The following EXOC4 variants were observed in gnomAD, a reference collection of about 807,000 sequenced individuals.
EXOC4 encodes the protein exocyst complex component 4.
Under a neutral mutation model 107.2 loss-of-function variants are expected in EXOC4, and 71 were observed. The ratio of observed to expected loss-of-function variants is 0.66; its 90% CI spans 0.55 to 0.81. EXOC4 has a LOEUF of 0.81. Ranked by LOEUF, EXOC4 falls within the 30% of genes least tolerant of loss-of-function variation. EXOC4 has a pLI of 0.00. For missense variants in EXOC4, 1,108 were observed against 1,189.6 expected (o/e 0.93, Z 1.01); for synonymous variants, 456 against 441.2 (o/e 1.03, Z -0.42).
intron 14 of EXOC4, among the ~76,000 whole-genome samples, chr7:133,948,377 A>G (rs145808791): frequency 3.9e-5 from 6 of 152,306 alleles, no homozygotes; most frequent in African/African-American, 1.2e-4. Context: ...GGTGAGGGAG[A>G]CAGATCCTGA....
chr7:133,638,860 G>A (rs112175633), intron 10 of EXOC4, among the ~76,000 whole-genome samples: 191 of 151,732 alleles, frequency 1.3e-3, no homozygotes, highest in African/African-American at 4.3e-3. Context: ...GCAGGTTTTC[G>A]TCTCTTTATC....
At chr7:133,498,426 A>T (rs1419671059) in intron 9 of EXOC4, among the ~76,000 whole-genome samples, 5 of 152,162 alleles carry the variant, frequency 3.3e-5, no homozygotes, top group Non-Finnish European at 7.4e-5. Context: ...TCTACTAAAA[A>T]TACAAAAAGT....
chr7:133,471,731 ATTTGTTGTATTTTTT>A (rs1798884802), intron 7 of EXOC4, among the ~76,000 whole-genome samples: 1 of 152,110 alleles, frequency 6.6e-6, no homozygotes, highest in African/African-American at 2.4e-5. Context: ...AAGTTCAGCA[ATTTGTTGTATTTTTT>A]TGATTTGCTG....
chr7:133,298,720 C>T (rs1268550192), intron 3 of EXOC4, among the ~76,000 whole-genome samples: 2 of 152,108 alleles, frequency 1.3e-5, no homozygotes, highest in Non-Finnish European at 2.9e-5. Context: ...AAATAAGGCT[C>T]TCAATGTGGA....
chr7:134,017,900 C>G (rs975273989), intron 17 of EXOC4, among the ~76,000 whole-genome samples: 1 of 152,162 alleles, frequency 6.6e-6, no homozygotes, highest in Non-Finnish European at 1.5e-5. Context: ...TAGGGTTCCT[C>G]GAGATTACTG....
At chr7:133,634,857 G>A (rs1802670450) in intron 10 of EXOC4, among the ~76,000 whole-genome samples, 1 of 152,170 alleles carries the variant, frequency 6.6e-6, no homozygotes. Flanking sequence ...AAGGTTTCTA[G>A]CCATGCCCGG....
At chr7:133,900,659 A>G (rs1488589969) in intron 12 of EXOC4, among the ~76,000 whole-genome samples, 1 of 152,150 alleles carries the variant, frequency 6.6e-6, no homozygotes. Flanking sequence ...GGAGAGAGAC[A>G]TTAAGTGCCT....
intron 9 of EXOC4, among the ~76,000 whole-genome samples, chr7:133,553,649 AT>A (rs962038833): frequency 5.3e-5 from 8 of 151,940 alleles, no homozygotes; most frequent in Non-Finnish European, 1.2e-4. Flanking sequence ...TTGTCCCTTA[AT>A]TTTTTTTCCT....
chr7:133,552,468 C>T (rs895903577), intron 9 of EXOC4, among the ~76,000 whole-genome samples: 1 of 152,100 alleles, frequency 6.6e-6, no homozygotes, highest in Non-Finnish European at 1.5e-5. Flanking sequence ...TTATTAATAT[C>T]CAACATGTGA....
intron 10 of EXOC4, among the ~76,000 whole-genome samples, chr7:133,706,301 T>C (rs932395308): frequency 5.9e-5 from 9 of 152,228 alleles, no homozygotes; most frequent in African/African-American, 2.2e-4. Flanking sequence ...CATACTACTA[T>C]GATTTTACTT....
intron 5 of EXOC4, among the ~76,000 whole-genome samples, chr7:133,326,289 T>A (rs1795238769): frequency 6.6e-6 from 1 of 151,958 alleles, no homozygotes; most frequent in South Asian, 2.1e-4. Context: ...GGCGCTCTGA[T>A]TTTTAGAATT....
At chr7:133,678,455 T>G (rs1293408043) in intron 10 of EXOC4, among the ~76,000 whole-genome samples, 1 of 152,224 alleles carries the variant, frequency 6.6e-6, no homozygotes, top group East Asian at 1.9e-4. Flanking sequence ...GCTGACCCCT[T>G]TCTTAAAGTA....
At position 133,267,955 on chromosome 7, in the gene EXOC4, ATATCCTCAGGAACTTT is replaced by A. The variant is rs1211852948; in HGVS notation, c.87-7026_87-7011del. 9.8e-5 allele frequency among the ~76,000 whole-genome samples: 15 copies of A among 152,318 alleles called. No individual in the cohort carries two copies. In the South Asian group the frequency reaches 2.7e-3, roughly 27 times the overall value. ...AGGTCTGATCTCAGTTCAGAAATAAATATCCTCAGGAACTTTAGAAAGGGATAGGCTTTAGGGGATT... is the reference window on the plus strand; with the variant it reads ...AGGTCTGATCTCAGTTCAGAAATAAAAGAAAGGGATAGGCTTTAGGGGATT... On this transcript the variant is annotated intron_variant, in intron 1 of 17. Transcript: ENST00000253861.
At chr7:133,982,663 C>A (rs2116922124) in intron 14 of EXOC4, among the ~76,000 whole-genome samples, 1 of 152,322 alleles carries the variant, frequency 6.6e-6, no homozygotes, top group Non-Finnish European at 1.5e-5. Flanking sequence ...AAACGCTGTT[C>A]TAAGCCTTTA....
At chr7:133,737,291 G>C (rs1202198559) in intron 10 of EXOC4, among the ~76,000 whole-genome samples, 1 of 152,022 alleles carries the variant, frequency 6.6e-6, no homozygotes, top group Non-Finnish European at 1.5e-5. Context: ...CTAGGCACTT[G>C]GTAATAGTTC....
At chr7:133,495,601 G>A (rs2150880223) in intron 9 of EXOC4, among the ~76,000 whole-genome samples, 1 of 152,226 alleles carries the variant, frequency 6.6e-6, no homozygotes, top group Non-Finnish European at 1.5e-5. Context: ...ACTCTGTTTT[G>A]TGTTTCTGGC....
At chr7:133,713,928 T>C (rs1045506959) in intron 10 of EXOC4, among the ~76,000 whole-genome samples, 10 of 152,092 alleles carry the variant, frequency 6.6e-5, no homozygotes, top group Non-Finnish European at 1.2e-4. Flanking sequence ...TATAGCAGTA[T>C]GAAAATAGAC....
intron 10 of EXOC4, among the ~76,000 whole-genome samples, chr7:133,741,831 G>T (rs567924673): frequency 6.6e-6 from 1 of 152,244 alleles, no homozygotes; most frequent in South Asian, 2.1e-4. Context: ...ATAGATTGTA[G>T]TATGACTTTG....
At chr7:133,535,949 C>G (rs893916671) in intron 9 of EXOC4, among the ~76,000 whole-genome samples, 2 of 152,162 alleles carry the variant, frequency 1.3e-5, no homozygotes, top group Non-Finnish European at 2.9e-5. Flanking sequence ...TTTCTTTTGT[C>G]TTTTATGACA....
Sources: allele counts gnomAD v4.1 joint callset (sites outside exome capture counted in the v4.1 genomes callset), GRCh38; gene constraint gnomAD v4.1.1; transcripts MANE v1.5; gene names NCBI Gene and HGNC (gene_info 2026-07-23, HGNC 2026-07-21).